Variants in TNKS observed in about 807,000 individuals in gnomAD.
TNKS encodes the protein poly [ADP-ribose] polymerase tankyrase-1.
In TNKS, 72 loss-of-function variants were observed where a neutral mutation model predicts 135.8. That is an observed-to-expected ratio of 0.53 (90% CI 0.44 to 0.64). The LOEUF (loss-of-function observed/expected upper bound fraction) is 0.64, where lower values mean the gene tolerates loss of function less well. TNKS is among the 30% of genes least tolerant of loss of function. The pLI is 0.00. For synonymous variants in TNKS, 849 were observed against 649.3 expected, an observed-to-expected ratio of 1.31 and a Z score of -4.68; for missense variants, 1,769 against 1,674.0, an observed-to-expected ratio of 1.06 and a Z score of -0.99.
intron 3 of TNKS, among the ~76,000 whole-genome samples, chr8:9,677,423 C>A (rs1490165907): frequency 1.3e-5 from 2 of 152,132 alleles, no homozygotes; most frequent in African/African-American, 4.8e-5. Context: ...CTGATTTGAA[C>A]TTTGAGGTTC....
chr8:9,686,006 G>C (rs1274273534), intron 5 of TNKS, among the ~76,000 whole-genome samples: 1 of 152,102 alleles, frequency 6.6e-6, no homozygotes, highest in Non-Finnish European at 1.5e-5. Flanking sequence ...TTATGTGGTA[G>C]GTTGTTATTT....
chr8:9,730,949 C>T lies in TNKS; in HGVS notation c.2061C>T (p.Pro687=), dbSNP rs372527063. ...CRDLEGRHST[P]LHFAAGYNRV... ...ACTTAGAGGGCCGGCATTCCACGCC[C>T]TTACACTTCGCAGCAGGCTACAACC... is the stretch of plus-strand genomic sequence containing the variant. The change falls in exon 14 of 27, where the codon CCC becomes CCT. Residue 687 remains proline, a synonymous_variant. Transcript: ENST00000310430. 2.7e-5 allele frequency: 44 copies of T among 1,614,116 alleles called. No individual in the cohort carries two copies. In the African/African-American group the frequency reaches 4.7e-4, roughly 17 times the overall value.
chr8:9,749,121 G>GC (rs1327434266), intron 18 of TNKS, among the ~76,000 whole-genome samples: 1 of 152,236 alleles, frequency 6.6e-6, no homozygotes, highest in East Asian at 1.9e-4. Context: ...GTTGTGCAAA[G>GC]CAAGTCATGA....
At chr8:9,692,522 A>T (rs575673116) in intron 5 of TNKS, among the ~76,000 whole-genome samples, 1 of 152,342 alleles carries the variant, frequency 6.6e-6, no homozygotes, top group South Asian at 2.1e-4. Flanking sequence ...TGATGAGACT[A>T]TATCTGTCGT....
At chr8:9,619,112 C>T (rs766565034) in intron 3 of TNKS, among the ~76,000 whole-genome samples, 1 of 152,166 alleles carries the variant, frequency 6.6e-6, no homozygotes, top group South Asian at 2.1e-4. Context: ...TGGAAGTGTG[C>T]TTCATCACAT....
At chr8:9,668,735 C>T (rs554778904) in intron 3 of TNKS, among the ~76,000 whole-genome samples, 3 of 152,154 alleles carry the variant, frequency 2.0e-5, no homozygotes, top group Admixed American at 2.0e-4. Flanking sequence ...TCATTGTCAA[C>T]ATGAGCAAAG....
intron 20 of TNKS, among the ~76,000 whole-genome samples, chr8:9,758,023 G>T (rs1235251620): frequency 6.6e-6 from 1 of 152,148 alleles, no homozygotes; most frequent in Non-Finnish European, 1.5e-5. Flanking sequence ...TCCTTTTAAA[G>T]AATATAAACA....
At chr8:9,568,075 A>G (rs1183879952) in intron 1 of TNKS, among the ~76,000 whole-genome samples, 2 of 152,190 alleles carry the variant, frequency 1.3e-5, no homozygotes, top group East Asian at 3.8e-4. Context: ...TGTTGAGGAT[A>G]CTCTTTTCAT....
intron 3 of TNKS, among the ~76,000 whole-genome samples, chr8:9,671,739 T>G (rs1802278506): frequency 6.6e-6 from 1 of 152,216 alleles, no homozygotes; most frequent in Admixed American, 6.5e-5. Context: ...TGAATTTAAC[T>G]ATATGTAAAT....
intron 20 of TNKS, among the ~76,000 whole-genome samples, chr8:9,760,483 A>C (rs1209928528): frequency 5.9e-5 from 9 of 152,242 alleles, no homozygotes; most frequent in African/African-American, 2.2e-4. Flanking sequence ...GCAAGTTAAA[A>C]AGTGGAAAAA....
At chr8:9,558,534 A>T (rs1307792434) in intron 1 of TNKS, 1 of 152,076 alleles carries the variant, frequency 6.6e-6, no homozygotes, top group Non-Finnish European at 1.5e-5. Context: ...TCACCATCCC[A>T]CTTTATGCGT....
chr8:9,769,274 A>G (rs1807655036), intron 25 of TNKS, among the ~76,000 whole-genome samples: 1 of 152,230 alleles, frequency 6.6e-6, no homozygotes, highest in African/African-American at 2.4e-5. Flanking sequence ...ATAGCTTGCT[A>G]ACCCCTGGTG....
intron 5 of TNKS, among the ~76,000 whole-genome samples, chr8:9,691,462 C>T (rs1803264455): frequency 6.6e-6 from 1 of 152,082 alleles, no homozygotes; most frequent in Non-Finnish European, 1.5e-5. Context: ...GTAATTCTTG[C>T]CCCTCAGCTA....
chr8:9,570,925 T>C (rs1417274101), intron 1 of TNKS, among the ~76,000 whole-genome samples: 2 of 152,082 alleles, frequency 1.3e-5, no homozygotes, highest in Non-Finnish European at 2.9e-5. Flanking sequence ...GCTCTGATCA[T>C]GCCACTGCAC....
At position 9,735,072 on chromosome 8, in the gene TNKS, C is replaced by T. The variant is rs374523549; in HGVS notation, c.2521C>T (p.Leu841=). The T allele has an allele frequency of 6.2e-7, 1 of 1,613,604 alleles. No individual in the cohort carries two copies. Among genetic ancestry groups the T allele is most frequent in the Non-Finnish European group, 8.5e-7 (1 of 1,179,772 alleles). The change falls in exon 16 of 27, where the codon CTG becomes TTG. Residue 841 remains leucine (L), a synonymous_variant. Coordinates refer to ENST00000310430, the MANE Select transcript of TNKS (RefSeq NM_003747.3). ...RDTQGRNSTP[L]HLAAGYNNLE... ...CACCCAGGGCAGAAATTCAACCCCT[C>T]TGCACCTGGCAGGTAAGCGCCCCCA...
intron 3 of TNKS, among the ~76,000 whole-genome samples, chr8:9,659,138 A>G (rs551146020): frequency 4.6e-5 from 7 of 152,332 alleles, no homozygotes; most frequent in South Asian, 2.1e-4. Flanking sequence ...TAATAATGGG[A>G]GACTTTAACA....
Position 9,655,075 on chromosome 8 carries a change from A to T in TNKS, c.995-24876A>T, listed in dbSNP as rs1050969185. On this transcript the variant is annotated intron_variant, in intron 3 of 26. Transcript: ENST00000310430. ...AAACTGCACTTTTCCAACGGGCTTA[A>T]TGGCACACCAGGAGATTATATCCTG... Among the ~76,000 whole-genome samples the T allele has an allele frequency of 3.3e-5, 5 of 152,334 alleles. No individual in the cohort carries two copies. In the East Asian group the frequency reaches 5.8e-4, roughly 18 times the overall value.
intron 1 of TNKS, among the ~76,000 whole-genome samples, chr8:9,579,264 C>T (rs1339376544): frequency 2.0e-5 from 3 of 152,126 alleles, no homozygotes; most frequent in African/African-American, 7.2e-5. Context: ...TTCCAGTTCA[C>T]CACCCATTTC....
intron 3 of TNKS, among the ~76,000 whole-genome samples, chr8:9,677,986 C>A (rs1351436535): frequency 6.6e-6 from 1 of 152,178 alleles, no homozygotes. Flanking sequence ...CCTTGACCCC[C>A]AACTACCCTT....
Sources: gnomAD v4.1 joint callset for allele counts (sites outside exome capture counted in the v4.1 genomes callset) on GRCh38, gnomAD v4.1.1 for gene constraint, MANE v1.5 for transcripts, NCBI Gene and HGNC (gene_info 2026-07-23, HGNC 2026-07-21) for gene names.